CDRT4: variants seen among roughly 807,000 people sequenced by gnomAD.
CDRT4 encodes the protein CMT1A duplicated region transcript 4 protein.
For synonymous variants in CDRT4, 64 were observed against 69.6 expected, an observed-to-expected ratio of 0.92 and a Z score of 0.40; for missense variants, 167 against 193.1, an observed-to-expected ratio of 0.87 and a Z score of 0.80.
At chr17:15,443,781 A>G in intron 2 of CDRT4, 3 of 516,858 alleles carry the variant, frequency 5.8e-6, no homozygotes, top group South Asian at 4.6e-5. Context: ...GACAGAAAAC[A>G]AAAAAGGCTC....
rs1980099993 is a variant in CDRT4 at position 15,467,571 on chromosome 17, T to C, written c.-241A>G. ...CCTGTGCTCTCAATCCCACTTCTCT[T>C]TGGCTCTCTCTTTGCTGCAGCTAAC... On this transcript the variant is annotated 5_prime_UTR_variant, in exon 1 of 4. Transcript: ENST00000619038. The C allele has an allele frequency of 6.6e-6, 1 of 152,436 alleles. No individual in the cohort carries two copies. Among genetic ancestry groups the C allele is most frequent in the South Asian group, 2.1e-4 (1 of 4,822 alleles). The allele number at this position is 152,436 out of a possible 1,614,324, so 9.4% of individuals were successfully genotyped here.
rs1978554137 is a variant in CDRT4, at chr17:15,437,730, C to T, written c.*43G>A. The stretch of plus-strand genomic sequence containing the variant: ...TTTGTACGTTCTTGGGGAATGGCTG[C>T]AGGGACCCCTGGCTAAAACATTTGC... On this transcript the variant is annotated 3_prime_UTR_variant, in exon 4 of 4. Transcript: ENST00000619038. The T allele has an allele frequency of 1.3e-6, 2 of 1,587,954 alleles. No individual in the cohort carries two copies.
intron 1 of CDRT4, among the ~76,000 whole-genome samples, chr17:15,455,966 G>A (rs996970085): frequency 2.6e-5 from 4 of 152,110 alleles, no homozygotes; most frequent in Non-Finnish European, 4.4e-5. Context: ...ACTAACCTTT[G>A]GAGTGCTTTG....
intron 1 of CDRT4, among the ~76,000 whole-genome samples, chr17:15,455,385 T>C (rs1367299556): frequency 2.0e-5 from 3 of 152,158 alleles, no homozygotes; most frequent in African/African-American, 4.8e-5. Flanking sequence ...ACAGAGCCAA[T>C]AGGATGAATG....
intron 1 of CDRT4, among the ~76,000 whole-genome samples, chr17:15,465,312 G>C (rs1306403114): frequency 9.2e-5 from 12 of 129,848 alleles, no homozygotes; most frequent in Non-Finnish European, 1.6e-4. Context: ...CCAACACACA[G>C]ACACACACAA....
chr17:15,439,298 G>A, intron 3 of CDRT4: 1 of 416,980 alleles, frequency 2.4e-6, no homozygotes, highest in Admixed American at 2.8e-5. Flanking sequence ...CGTAAATGGG[G>A]ATAATCAAGT....
chr17:15,461,977 G>A (rs1242906682), intron 1 of CDRT4, among the ~76,000 whole-genome samples: 4 of 152,052 alleles, frequency 2.6e-5, no homozygotes, highest in East Asian at 1.9e-4. Context: ...AAGACTGGCC[G>A]AAGGTGAGAC....
chr17:15,462,425 C>A (rs1386848884), intron 1 of CDRT4, among the ~76,000 whole-genome samples: 2 of 54,592 alleles, frequency 3.7e-5, no homozygotes, highest in Non-Finnish European at 7.3e-5. Flanking sequence ...GAGACTCCAT[C>A]TCAAAAAAAA....
intron 2 of CDRT4, 22 bp downstream of exon 2, chr17:15,452,982 C>A (rs915650326): frequency 2.0e-5 from 3 of 152,180 alleles, no homozygotes; most frequent in African/African-American, 7.2e-5. Context: ...GTGGTCAAAA[C>A]CCAAGGCCAG....
chr17:15,449,513 C>T (rs1979171955), intron 2 of CDRT4, among the ~76,000 whole-genome samples: 1 of 152,162 alleles, frequency 6.6e-6, no homozygotes, highest in South Asian at 2.1e-4. Flanking sequence ...TTCTCCCTTC[C>T]TACTCTTTTC....
chr17:15,455,549 T>C (rs968801291), intron 1 of CDRT4, among the ~76,000 whole-genome samples: 1 of 152,228 alleles, frequency 6.6e-6, no homozygotes, highest in African/African-American at 2.4e-5. Flanking sequence ...GTCTAAGTGA[T>C]GGAATGTCAC....
rs149326257 is a variant in CDRT4, at chr17:15,443,155, G to C, written c.-47-2870C>G. ...TTGGCCTAAATCATTCAATTACCTG[G>C]AACGTGAAACAATCAACCTTGATCA... On this transcript the variant is annotated intron_variant, in intron 2 of 3. Transcript: ENST00000619038. Among the ~76,000 whole-genome samples, 510 of 152,192 alleles carry C rather than the reference G, an allele frequency of 3.4e-3. 12 individuals are homozygous for C. Among genetic ancestry groups the C allele is most frequent in the Admixed American group, 0.029 (441 of 15,282 alleles).
At chr17:15,458,978 C>T (rs1459295326) in intron 1 of CDRT4, among the ~76,000 whole-genome samples, 2 of 152,106 alleles carry the variant, frequency 1.3e-5, no homozygotes. Context: ...AATTTAAGGA[C>T]CATTGAGCAG....
chr17:15,446,988 T>G (rs1183737847), intron 2 of CDRT4, among the ~76,000 whole-genome samples: 2 of 152,172 alleles, frequency 1.3e-5, no homozygotes, highest in African/African-American at 2.4e-5. Flanking sequence ...ATTACTCTTC[T>G]AAGAGGGACA....
At position 15,437,705 on chromosome 17, in the gene CDRT4, T is replaced by G. The variant is rs2954757; in HGVS notation, c.*68A>C. ...AGTGAGTGGTAAATGGAGCTTAACT[T>G]TTGTACGTTCTTGGGGAATGGCTGC... is the stretch of plus-strand genomic sequence containing the variant. On this transcript the variant is annotated 3_prime_UTR_variant, in exon 4 of 4. Transcript: ENST00000619038. 220,596 of 1,494,424 alleles carry G rather than the reference T, an allele frequency of 0.15. 26,874 individuals are homozygous for G. Among genetic ancestry groups the G allele is most frequent in the East Asian group, 0.5 (21,796 of 43,658 alleles). The allele number at this position is 1,494,424 out of a possible 1,614,324, so 92.6% of individuals were successfully genotyped here.
chr17:15,445,733 G>T (rs1042378873), intron 2 of CDRT4, among the ~76,000 whole-genome samples: 1 of 152,090 alleles, frequency 6.6e-6, no homozygotes, highest in African/African-American at 2.4e-5. Flanking sequence ...AGAAGAAAAA[G>T]CTCCACTGGA....
rs765680695 is a variant in CDRT4 at position 15,437,756 on chromosome 17, A to G, written c.*17T>C. On this transcript the variant is annotated 3_prime_UTR_variant, in exon 4 of 4. Coordinates refer to ENST00000619038, the MANE Select transcript of CDRT4 (RefSeq NM_001204477.2). ...AGGGACCCCTGGCTAAAACATTTGC[A>G]TGTTTCTCCTTGTTGGTCAGTAGCG... 7.5e-6 allele frequency: 12 copies of G among 1,608,074 alleles called. No homozygotes were observed. In the South Asian group the frequency reaches 1.3e-4, roughly 18 times the overall value.
At chr17:15,452,623 G>T (rs1979313089) in intron 2 of CDRT4, 1 of 152,250 alleles carries the variant, frequency 6.6e-6, no homozygotes. Flanking sequence ...TCAAATGCAT[G>T]GAGTTGCCTC....
At chr17:15,442,863 A>C (rs1441161838) in intron 2 of CDRT4, among the ~76,000 whole-genome samples, 1 of 152,244 alleles carries the variant, frequency 6.6e-6, no homozygotes, top group Non-Finnish European at 1.5e-5. Flanking sequence ...TTAAGTCTGA[A>C]GAGAAGCTGT....
Sources: gnomAD v4.1 joint callset for allele counts (sites outside exome capture counted in the v4.1 genomes callset) on GRCh38, gnomAD v4.1.1 for gene constraint, MANE v1.5 for transcripts, NCBI Gene and HGNC (gene_info 2026-07-23, HGNC 2026-07-21) for gene names.